ASIC2: variants seen among roughly 807,000 people sequenced by gnomAD.
ASIC2 encodes the protein acid-sensing ion channel 2.
In ASIC2, 25 loss-of-function variants were observed where a neutral mutation model predicts 57.3. The observed-to-expected ratio is 0.44, with a 90% CI of 0.32 to 0.61. The LOEUF (loss-of-function observed/expected upper bound fraction) is 0.61. Among genes scored for constraint, ASIC2 ranks in the 20% least tolerant of loss-of-function variants. ASIC2 has a pLI of 0.06. For missense variants in ASIC2, 641 were observed against 738.1 expected (o/e 0.87, Z 1.52); for synonymous variants, 319 against 307.5 (o/e 1.04, Z -0.39).
chr17:33,172,316 A>T lies in ASIC2; in HGVS notation c.709-60249T>A, dbSNP rs551092334. On this transcript the variant is annotated intron_variant, in intron 1 of 9. Transcript: ENST00000225823. ...TGAGTGGGTGCAATATTTTCCACGT[A>T]TGGAGTGGCCTAGGGAGCCATGAAA... Among the ~76,000 whole-genome samples the T allele has an allele frequency of 9.3e-4, 142 of 152,282 alleles. 1 individual carries two copies. The highest frequency in any genetic ancestry group is 1.9e-3 in the Non-Finnish European group (126 of 68,030).
chr17:33,277,233 G>A (rs1278752649), intron 1 of ASIC2, among the ~76,000 whole-genome samples: 2 of 152,210 alleles, frequency 1.3e-5, no homozygotes, highest in African/African-American at 4.8e-5. Context: ...ATTGGGATCA[G>A]GGAAGACTTC....
chr17:34,110,700 TG>T, intron 1 of ASIC2, among the ~76,000 whole-genome samples: 1 of 152,354 alleles, frequency 6.6e-6, no homozygotes, highest in Middle Eastern at 3.4e-3. Flanking sequence ...GCACCCATGC[TG>T]AGGTCAGATA....
rs57284049 is a variant in ASIC2 at position 33,482,656 on chromosome 17, TCA to T, written c.556-370591_556-370590del. Among the ~76,000 whole-genome samples, 683 of 152,316 alleles carry T rather than the reference TCA, an allele frequency of 4.5e-3. 13 individuals are homozygous for T. Among genetic ancestry groups the T allele is most frequent in the African/African-American group, 0.015 (634 of 41,564 alleles). On this transcript the variant is annotated intron_variant, in intron 1 of 9. Coordinates refer to the ASIC2 transcript ENST00000359872. The stretch of plus-strand genomic sequence containing the variant: ...CAGGATTTCAGTGACTTGTCCAAGG[TCA>T]CACAGTGAATAGACACTGGGTCTAG...
intron 1 of ASIC2, among the ~76,000 whole-genome samples, chr17:33,496,472 G>A (rs1198339740): frequency 6.6e-6 from 1 of 152,016 alleles, no homozygotes; most frequent in Admixed American, 6.6e-5. Flanking sequence ...ATGTTATAAA[G>A]TTTAGGGACT....
At chr17:33,078,063 G>A (rs12451625) in intron 3 of ASIC2, among the ~76,000 whole-genome samples, 15,599 of 152,072 alleles carry the variant, frequency 0.1, 912 homozygotes, top group African/African-American at 0.16. Flanking sequence ...AAAAGATAAC[G>A]TGACACTGGG....
At chr17:33,262,734 T>G (rs536647374) in intron 1 of ASIC2, among the ~76,000 whole-genome samples, 26 of 152,262 alleles carry the variant, frequency 1.7e-4, no homozygotes, top group African/African-American at 6.3e-4. Flanking sequence ...ATCATTAAAC[T>G]AATAAATAAC....
intron 1 of ASIC2, among the ~76,000 whole-genome samples, chr17:33,884,553 G>A (rs1413913942): frequency 6.6e-6 from 1 of 152,064 alleles, no homozygotes; most frequent in Admixed American, 6.5e-5. Flanking sequence ...CCAGCATTAT[G>A]AAAACCCTAA....
chr17:34,079,149 C>T (rs1598012141), intron 1 of ASIC2: 1 of 152,232 alleles, frequency 6.6e-6, no homozygotes, highest in Non-Finnish European at 1.5e-5. Flanking sequence ...AAATGCAATT[C>T]TGATCATGTT....
chr17:33,629,590 C>T (rs1304841547), intron 1 of ASIC2, among the ~76,000 whole-genome samples: 1 of 152,136 alleles, frequency 6.6e-6, no homozygotes, highest in African/African-American at 2.4e-5. Context: ...TCCCAGGTTA[C>T]ATGGAGGAAG....
chr17:33,477,109 A>G (rs1326597375), intron 1 of ASIC2, among the ~76,000 whole-genome samples: 1 of 152,102 alleles, frequency 6.6e-6, no homozygotes, highest in Non-Finnish European at 1.5e-5. Context: ...TCCATTGTAT[A>G]GCTTTATCAC....
intron 1 of ASIC2, among the ~76,000 whole-genome samples, chr17:33,208,501 CT>C (rs770365002): frequency 5.3e-5 from 8 of 152,156 alleles, no homozygotes; most frequent in Non-Finnish European, 1.0e-4. Flanking sequence ...CTGGAATGCT[CT>C]TTCCCTCAGA....
At chr17:33,405,597 C>T (rs921584170) in intron 1 of ASIC2, among the ~76,000 whole-genome samples, 1 of 151,836 alleles carries the variant, frequency 6.6e-6, no homozygotes, top group African/African-American at 2.4e-5. Context: ...AATTCTCCCG[C>T]CTCAGCCTCC....
chr17:33,880,483 A>G (rs532771995), intron 1 of ASIC2, among the ~76,000 whole-genome samples: 1 of 152,238 alleles, frequency 6.6e-6, no homozygotes, highest in Admixed American at 6.5e-5. Flanking sequence ...AAACACCTCT[A>G]TGCAAATAAA....
Position 33,013,157 on chromosome 17 carries a change from A to AT in ASIC2, c.*807_*808insA, listed in dbSNP as rs1381294670. The AT allele has an allele frequency of 6.6e-6, 1 of 152,352 alleles. No individual in the cohort carries two copies. The highest frequency in any genetic ancestry group is 2.4e-5 in the African/African-American group (1 of 41,462). The allele number at this position is 152,352 out of a possible 1,614,324, so 9.4% of individuals were successfully genotyped here. On this transcript the variant is annotated 3_prime_UTR_variant, in exon 10 of 10. Transcript: ENST00000225823. Reference sequence around the variant, plus strand: ...ATAAATAAATGCCAAAGAAAATGGAAAAACCAAAGCAAACCTCAGAACATC... The same window carrying AT: ...ATAAATAAATGCCAAAGAAAATGGAATAAACCAAAGCAAACCTCAGAACATC...
intron 1 of ASIC2, among the ~76,000 whole-genome samples, chr17:33,655,572 A>G (rs550076003): frequency 6.6e-6 from 1 of 152,314 alleles, no homozygotes; most frequent in Admixed American, 6.5e-5. Flanking sequence ...TCTTGGGCTA[A>G]CAACTCCATC....
intron 1 of ASIC2, among the ~76,000 whole-genome samples, chr17:34,052,609 T>C (rs146287494): frequency 1.5e-3 from 233 of 151,454 alleles, no homozygotes; most frequent in Non-Finnish European, 2.6e-3. Context: ...ACCCTGCCTA[T>C]GAATCTCACT....
At chr17:33,218,480 T>A (rs1369316010) in intron 1 of ASIC2, among the ~76,000 whole-genome samples, 6 of 152,178 alleles carry the variant, frequency 3.9e-5, no homozygotes, top group Non-Finnish European at 8.8e-5. Context: ...TCACCTTCCC[T>A]AAGAAGTGAG....
intron 3 of ASIC2, among the ~76,000 whole-genome samples, chr17:33,073,336 C>T (rs1200710364): frequency 6.6e-6 from 1 of 152,136 alleles, no homozygotes; most frequent in African/African-American, 2.4e-5. Context: ...AAAGTTCTGT[C>T]CACATGGAGT....
intron 1 of ASIC2, among the ~76,000 whole-genome samples, chr17:33,300,836 A>G (rs1471374141): frequency 1.3e-5 from 2 of 152,152 alleles, no homozygotes; most frequent in African/African-American, 4.8e-5. Context: ...ACGAGCATGC[A>G]GTTTAACTAA....
Sources: allele counts gnomAD v4.1 joint callset (sites outside exome capture counted in the v4.1 genomes callset), GRCh38; gene constraint gnomAD v4.1.1; transcripts MANE v1.5; gene names NCBI Gene and HGNC (gene_info 2026-07-23, HGNC 2026-07-21).